The following PGR variants were observed in gnomAD, a reference collection of about 807,000 sequenced individuals.
PGR encodes nuclear receptor subfamily 3 group C member 3.
PGR carries 25 observed loss-of-function variants against 76.1 expected under a neutral mutation model. The observed-to-expected ratio is 0.33, with a 90% confidence interval of 0.24 to 0.46. The LOEUF is 0.46. Ranked by LOEUF, PGR falls within the 20% of genes least tolerant of loss-of-function variation. PGR has a pLI of 1.00. For synonymous variants in PGR, 579 were observed against 535.0 expected (o/e 1.08, Z -1.14); for missense variants, 1,172 against 1,225.3 (o/e 0.96, Z 0.65).
chr11:101,041,968 T>G lies in PGR; in HGVS notation c.2623A>C (p.Lys875Gln), dbSNP rs750565074. Residue 875 changes from lysine to glutamine, a missense_variant, in exon 7 of 8, where the codon AAA (lysine) becomes CAA (glutamine). Transcript: ENST00000325455. ...ACATCATGCAAGTTATCAAGAAGTT[T>G]TGTAAGTTGATAGAAACGCTGTGAG... ...SSSQRFYQLTKLLDNLHDLVK... is the reference protein window; with the variant it reads ...SSSQRFYQLTQLLDNLHDLVK... The G allele has an allele frequency of 6.2e-7, 1 of 1,613,474 alleles. No individual in the cohort carries two copies. Among genetic ancestry groups the G allele is most frequent in the South Asian group, 1.1e-5 (1 of 91,072 alleles).
intron 4 of PGR, among the ~76,000 whole-genome samples, chr11:101,056,641 A>AG (rs1264285403): frequency 9.2e-6 from 1 of 108,220 alleles, no homozygotes; most frequent in Non-Finnish European, 2.0e-5. Flanking sequence ...GCCTATCTCA[A>AG]GAAAAAAAAA....
chr11:101,044,346 C>T (rs1253591477), intron 6 of PGR, among the ~76,000 whole-genome samples: 2 of 152,078 alleles, frequency 1.3e-5, no homozygotes, highest in Non-Finnish European at 2.9e-5. Context: ...CTTTGCCTTC[C>T]TAGTATTGAG....
chr11:101,055,353 T>C (rs1404450942), intron 4 of PGR, among the ~76,000 whole-genome samples: 1 of 139,722 alleles, frequency 7.2e-6, no homozygotes, highest in Admixed American at 8.0e-5. Flanking sequence ...GAGGCTGAGG[T>C]TGCAGTGAGC....
chr11:101,085,525 TAA>T (rs1212568882), intron 3 of PGR, among the ~76,000 whole-genome samples: 33 of 42,268 alleles, frequency 7.8e-4, no homozygotes, highest in South Asian at 4.6e-3. Context: ...CTAGAGGAAC[TAA>T]AAAAAAAAAA....
chr11:101,058,260 G>A lies in PGR; in HGVS notation c.2212+4187C>T, dbSNP rs754654166. ...GGCAATCATAATTTCAGTGGAATAGGGTGTGAGAAAAACCATGGTTTAGTC... is the reference window on the plus strand; with the variant it reads ...GGCAATCATAATTTCAGTGGAATAGAGTGTGAGAAAAACCATGGTTTAGTC... On this transcript the variant is annotated intron_variant, in intron 4 of 7. Transcript: ENST00000325455. Among the ~76,000 whole-genome samples the A allele has an allele frequency of 4.9e-4, 74 of 152,156 alleles. 2 individuals are homozygous for A. The highest frequency in any genetic ancestry group is 4.6e-4 in the Admixed American group (7 of 15,276).
chr11:101,120,942 G>A (rs1305423053), intron 2 of PGR, among the ~76,000 whole-genome samples: 2 of 152,160 alleles, frequency 1.3e-5, no homozygotes, highest in East Asian at 1.9e-4. Flanking sequence ...TTCTGAAAGA[G>A]TATTAAAAAT....
At chr11:101,119,027 A>C (rs899803965) in intron 2 of PGR, among the ~76,000 whole-genome samples, 1 of 152,176 alleles carries the variant, frequency 6.6e-6, no homozygotes, top group African/African-American at 2.4e-5. Context: ...TCTACCACAG[A>C]TCATCAGGTA....
intron 2 of PGR, among the ~76,000 whole-genome samples, chr11:101,115,642 A>C (rs571588938): frequency 3.9e-5 from 6 of 152,084 alleles, no homozygotes; most frequent in Non-Finnish European, 7.4e-5. Flanking sequence ...GTGGTGGTAC[A>C]TGCCTGTAAT....
In PGR at chr11:101,128,287, C is replaced by T; in HGVS notation, c.784G>A (p.Ala262Thr). 6.3e-7 allele frequency: 1 copy of T among 1,591,032 alleles called. No homozygotes were observed. The highest frequency in any genetic ancestry group is 8.5e-7 in the Non-Finnish European group (1 of 1,174,940). ...GAAAVPPGAAAGGVALVPKED... is the reference protein window; with the variant it reads ...GAAAVPPGAATGGVALVPKED... ...TTGGGGACCAGGGCGACGCCTCCTG[C>T]TGCCGCCCCCGGCGGGACAGCCGCG... Residue 262 changes from alanine (A) to threonine (T), a missense_variant, in exon 1 of 8, where the codon GCA (alanine) becomes ACA (threonine). Ala to Thr is a moderately conservative substitution (Grantham distance 58). Transcript: ENST00000325455.
At chr11:101,108,248 TAAA>T (rs550121348) in intron 2 of PGR, among the ~76,000 whole-genome samples, 5 of 115,376 alleles carry the variant, frequency 4.3e-5, no homozygotes, top group Non-Finnish European at 3.5e-5. Context: ...AGACTCCGTC[TAAA>T]AAAAAAAAAA....
chr11:101,082,164 C>T (rs191791733), intron 3 of PGR, among the ~76,000 whole-genome samples: 68 of 152,284 alleles, frequency 4.5e-4, no homozygotes, highest in Admixed American at 1.6e-3. Flanking sequence ...CCTGGTAAGA[C>T]GTGCTTGCTT....
chr11:101,062,893 T>C (rs1181622592), intron 3 of PGR, 141 bp from the exon 4 acceptor site: 3 of 593,780 alleles, frequency 5.1e-6, no homozygotes, highest in Non-Finnish European at 8.5e-6. Context: ...AAGTGTTAGA[T>C]ATTAAAATTA....
In PGR at chr11:101,030,688, C is replaced by G; in HGVS notation, c.*8428G>C. 4.8e-6 allele frequency: 1 copy of G among 209,062 alleles called. No homozygotes were observed. Among genetic ancestry groups the G allele is most frequent in the Non-Finnish European group, 9.7e-6 (1 of 102,744 alleles). 13.0% of individuals were successfully genotyped at this position (209,062 alleles called of 1,614,324 possible). On this transcript the variant is annotated 3_prime_UTR_variant, in exon 8 of 8. Transcript: ENST00000325455. ...TCAGCTTTTGACTTCCTCAGTTGGTCTTTGAAATCCACAGAAAGGCAAGTC... is the reference window on the plus strand; with the variant it reads ...TCAGCTTTTGACTTCCTCAGTTGGTGTTTGAAATCCACAGAAAGGCAAGTC...
At chr11:101,041,055 G>C (rs1330337587) in intron 7 of PGR, among the ~76,000 whole-genome samples, 1 of 151,354 alleles carries the variant, frequency 6.6e-6, no homozygotes, top group East Asian at 1.9e-4. Flanking sequence ...TTTTAAAAAT[G>C]TTTTCTGTTC....
At chr11:101,107,492 T>A (rs2135481098) in intron 2 of PGR, among the ~76,000 whole-genome samples, 1 of 152,314 alleles carries the variant, frequency 6.6e-6, no homozygotes, top group African/African-American at 2.4e-5. Flanking sequence ...ATTTAGAGAA[T>A]GTAAGGAACT....
At chr11:101,075,827 G>A (rs995183298) in intron 3 of PGR, among the ~76,000 whole-genome samples, 8 of 152,082 alleles carry the variant, frequency 5.3e-5, no homozygotes, top group African/African-American at 1.7e-4. Flanking sequence ...AATAGATGCC[G>A]GAAAAGATGT....
In PGR at chr11:101,032,598, T is replaced by C; in HGVS notation, c.*6518A>G. The C allele has an allele frequency of 4.4e-6, 1 of 229,242 alleles. No homozygotes were observed. Among genetic ancestry groups the C allele is most frequent in the Non-Finnish European group, 8.7e-6 (1 of 115,470 alleles). The allele number at this position is 229,242 out of a possible 1,614,324, so 14.2% of individuals were successfully genotyped here. A position where few individuals can be genotyped will look rare whatever the true frequency, so the allele number is the denominator to read the frequency against. On this transcript the variant is annotated 3_prime_UTR_variant, in exon 8 of 8. Transcript: ENST00000325455. ...TGGAATACTCTTCTCTTCTTGCCTTTGGCATCTCCTCACCACGCACGTTCT... is the reference window on the plus strand; with the variant it reads ...TGGAATACTCTTCTCTTCTTGCCTTCGGCATCTCCTCACCACGCACGTTCT...
At chr11:101,119,551 CA>C in intron 2 of PGR, among the ~76,000 whole-genome samples, 1 of 152,030 alleles carries the variant, frequency 6.6e-6, no homozygotes, top group Non-Finnish European at 1.5e-5. Flanking sequence ...CAAATAGAGC[CA>C]AAAAACTTCT....
At chr11:101,125,898 AT>A (rs1279479307) in intron 2 of PGR, 108 bp downstream of exon 2, 10 of 928,244 alleles carry the variant, frequency 1.1e-5, no homozygotes, top group African/African-American at 8.4e-5. Flanking sequence ...TTATATGGAA[AT>A]ATCACCATTT....
Sources: allele counts gnomAD v4.1 joint callset (sites outside exome capture counted in the v4.1 genomes callset), GRCh38; gene constraint gnomAD v4.1.1; transcripts MANE v1.5; gene names NCBI Gene and HGNC (gene_info 2026-07-23, HGNC 2026-07-21).